The following CSGALNACT1 variants were observed in gnomAD, a reference collection of about 807,000 sequenced individuals.
CSGALNACT1 encodes the protein beta4GalNAcT-1.
Under a neutral mutation model 51.0 loss-of-function variants are expected in CSGALNACT1, and 52 were observed. The observed-to-expected ratio is 1.02, with a 90% CI of 0.82 to 1.29. The LOEUF (loss-of-function observed/expected upper bound fraction) is 1.29, where lower values mean the gene tolerates loss of function less well. Ranked by LOEUF, CSGALNACT1 falls within the 50% of genes most tolerant of loss-of-function variation. The pLI, the probability that CSGALNACT1 is intolerant of heterozygous loss-of-function variation, is 0.00. For missense variants in CSGALNACT1, 935 were observed against 679.2 expected, an observed-to-expected ratio of 1.38 and a Z score of -4.19; for synonymous variants, 341 against 254.4, an observed-to-expected ratio of 1.34 and a Z score of -3.24.
intron 1 of CSGALNACT1, among the ~76,000 whole-genome samples, chr8:19,710,805 C>A (rs570005494): frequency 6.6e-6 from 1 of 152,184 alleles, no homozygotes; most frequent in African/African-American, 2.4e-5. Context: ...TAAGCATTTG[C>A]GCTCCTGTTA....
intron 8 of CSGALNACT1, among the ~76,000 whole-genome samples, chr8:19,412,614 G>T (rs1386979966): frequency 6.6e-6 from 1 of 152,232 alleles, no homozygotes; most frequent in Non-Finnish European, 1.5e-5. Flanking sequence ...CCCGTTAGCA[G>T]GGCCGGCTTA....
chr8:19,599,087 C>G (rs931544881), intron 2 of CSGALNACT1, among the ~76,000 whole-genome samples: 3 of 151,326 alleles, frequency 2.0e-5, no homozygotes, highest in Non-Finnish European at 4.4e-5. Context: ...GCAGAAGGGC[C>G]AGAGGTGGGA....
chr8:19,448,524 T>C (rs957053553), intron 5 of CSGALNACT1, among the ~76,000 whole-genome samples: 5 of 152,082 alleles, frequency 3.3e-5, no homozygotes, highest in East Asian at 1.9e-4. Context: ...CATAATATAA[T>C]GCAGGATGGA....
chr8:19,507,528 G>GAAAAAAAAAAAAAAAAA (rs35759799), intron 3 of CSGALNACT1, among the ~76,000 whole-genome samples: 10 of 74,888 alleles, frequency 1.3e-4, no homozygotes, highest in African/African-American at 5.0e-4. Flanking sequence ...ATCTTAGCCA[G>GAAAAAAAAAAAAAAAAA]AAAAAAAAAA....
intron 1 of CSGALNACT1, among the ~76,000 whole-genome samples, chr8:19,623,745 G>A (rs996289572): frequency 6.6e-6 from 1 of 152,200 alleles, no homozygotes; most frequent in Non-Finnish European, 1.5e-5. Flanking sequence ...TCATGAATCA[G>A]AAACTACTTA....
At chr8:19,463,315 C>T (rs1038879058) in intron 4 of CSGALNACT1, among the ~76,000 whole-genome samples, 5 of 152,120 alleles carry the variant, frequency 3.3e-5, no homozygotes, top group Non-Finnish European at 2.9e-5. Context: ...TCTCTTGCAA[C>T]CTAAGTCCAG....
At chr8:19,461,140 G>C (rs1405388334) in intron 4 of CSGALNACT1, among the ~76,000 whole-genome samples, 1 of 152,216 alleles carries the variant, frequency 6.6e-6, no homozygotes, top group East Asian at 1.9e-4. Context: ...TGAGAGTTTT[G>C]CTGAGCTCAT....
intron 1 of CSGALNACT1, among the ~76,000 whole-genome samples, chr8:19,734,623 A>G (rs183352950): frequency 6.6e-6 from 1 of 152,340 alleles, no homozygotes; most frequent in East Asian, 1.9e-4. Flanking sequence ...CACAAGAAAG[A>G]GAAGAATTCT....
chr8:19,590,090 C>G (rs1446542504), intron 3 of CSGALNACT1, among the ~76,000 whole-genome samples: 10 of 152,222 alleles, frequency 6.6e-5, no homozygotes, highest in Non-Finnish European at 1.0e-4. Flanking sequence ...CTTATTATCT[C>G]TGCCTCCTGC....
Position 19,442,326 on chromosome 8 carries a change from C to A in CSGALNACT1, c.852-2395G>T. Among the ~76,000 whole-genome samples, 2 of 152,064 alleles carry A rather than the reference C, an allele frequency of 1.3e-5. 1 individual carries two copies. Among genetic ancestry groups the A allele is most frequent in the Non-Finnish European group, 2.9e-5 (2 of 68,030 alleles). ...AAAGACTTGGAACCAACCCAAATGT[C>A]CAACAATGACAGAGTGGATTAAGAA... On this transcript the variant is annotated intron_variant, in intron 5 of 9. Transcript: ENST00000454498.
intron 1 of CSGALNACT1, among the ~76,000 whole-genome samples, chr8:19,706,785 G>C (rs1183018842): frequency 6.6e-6 from 1 of 152,002 alleles, no homozygotes; most frequent in African/African-American, 2.4e-5. Flanking sequence ...CACCATGCCT[G>C]GCTACATTTT....
intron 1 of CSGALNACT1, among the ~76,000 whole-genome samples, chr8:19,665,878 C>G (rs1353213918): frequency 6.6e-6 from 1 of 152,204 alleles, no homozygotes; most frequent in African/African-American, 2.4e-5. Context: ...TCAACTTCCT[C>G]TTAGTCTCAC....
At chr8:19,538,914 G>T (rs183903150) in intron 3 of CSGALNACT1, among the ~76,000 whole-genome samples, 1 of 152,112 alleles carries the variant, frequency 6.6e-6, no homozygotes, top group East Asian at 1.9e-4. Flanking sequence ...TGCCTGGACC[G>T]CTCATCCTGA....
chr8:19,662,066 C>G (rs2058793710), intron 1 of CSGALNACT1, among the ~76,000 whole-genome samples: 10 of 49,000 alleles, frequency 2.0e-4, no homozygotes, highest in Non-Finnish European at 4.4e-4. Flanking sequence ...TTGCCCCCAC[C>G]CCCCCCCACC....
intron 1 of CSGALNACT1, among the ~76,000 whole-genome samples, chr8:19,629,388 G>T (rs927584698): frequency 6.6e-6 from 1 of 152,148 alleles, no homozygotes; most frequent in East Asian, 1.9e-4. Context: ...TAAGACATTT[G>T]TTATGTGTTG....
At chr8:19,576,731 C>T (rs1462207095) in intron 3 of CSGALNACT1, among the ~76,000 whole-genome samples, 3 of 152,074 alleles carry the variant, frequency 2.0e-5, no homozygotes, top group African/African-American at 7.2e-5. Context: ...AACCCACCTG[C>T]TGATTGCCCC....
At chr8:19,746,692 C>T (rs1437758947) in intron 1 of CSGALNACT1, among the ~76,000 whole-genome samples, 3 of 152,164 alleles carry the variant, frequency 2.0e-5, no homozygotes, top group African/African-American at 4.8e-5. Context: ...ATTCCAACTC[C>T]AACATGTTAT....
chr8:19,517,878 A>C (rs1386498435), intron 3 of CSGALNACT1, among the ~76,000 whole-genome samples: 1 of 152,148 alleles, frequency 6.6e-6, no homozygotes, highest in Non-Finnish European at 1.5e-5. Context: ...CAGCCAAACC[A>C]TATCACACTC....
At position 19,660,383 on chromosome 8, in the gene CSGALNACT1, T is replaced by C. The variant is rs540520089; in HGVS notation, c.-544+22090A>G. On this transcript the variant is annotated intron_variant, in intron 1 of 9. Coordinates refer to the CSGALNACT1 transcript ENST00000332246. ...CCCTAAGCCTTAATTTCTTCATCTGTAAATTGGGGATAATTATACCTTCTG... is the reference window on the plus strand; with the variant it reads ...CCCTAAGCCTTAATTTCTTCATCTGCAAATTGGGGATAATTATACCTTCTG... 3.9e-5 allele frequency among the ~76,000 whole-genome samples: 6 copies of C among 152,294 alleles called. No homozygotes were observed. The South Asian group carries it at 1.2e-3, about 32-fold the overall frequency.
Sources: gnomAD v4.1 joint callset for allele counts (sites outside exome capture counted in the v4.1 genomes callset) on GRCh38, gnomAD v4.1.1 for gene constraint, MANE v1.5 for transcripts, NCBI Gene and HGNC (gene_info 2026-07-23, HGNC 2026-07-21) for gene names.